SAMD5: variants seen among roughly 807,000 people sequenced by gnomAD.
SAMD5 encodes the protein sterile alpha motif domain containing 5.
In SAMD5, 13 loss-of-function variants were observed where a neutral mutation model predicts 11.3. That is an observed-to-expected ratio of 1.15 (90% CI 0.75 to 1.83). The LOEUF is 1.83. SAMD5 is among the 40% of genes most tolerant of loss of function. The pLI, the probability that SAMD5 is intolerant of heterozygous loss-of-function variation, is 0.00. For synonymous variants in SAMD5, 129 were observed against 111.3 expected, an observed-to-expected ratio of 1.16 and a Z score of -1.00; for missense variants, 255 against 239.1, an observed-to-expected ratio of 1.07 and a Z score of -0.44.
At chr6:147,698,079 G>C (rs772060368) in intron 1 of SAMD5, among the ~76,000 whole-genome samples, 1 of 152,092 alleles carries the variant, frequency 6.6e-6, no homozygotes, top group Non-Finnish European at 1.5e-5. Flanking sequence ...TTCACAGTAG[G>C]GTTTGTGCTC....
At chr6:147,832,239 T>C in the SAMD5 span, among the ~76,000 whole-genome samples, 629 of 152,346 alleles carry the variant, frequency 4.1e-3, 3 homozygotes, top group African/African-American at 0.015. Context: ...TGTGTATTTA[T>C]TTATTTAATG....
At chr6:147,843,384 G>A in the SAMD5 span, among the ~76,000 whole-genome samples, 5 of 152,160 alleles carry the variant, frequency 3.3e-5, no homozygotes, top group Admixed American at 3.3e-4. Context: ...TTCACATATT[G>A]GAAGAGCTAA....
At chr6:147,643,807 G>A (rs892254343) in intron 1 of SAMD5, among the ~76,000 whole-genome samples, 1 of 128,250 alleles carries the variant, frequency 7.8e-6, no homozygotes, top group African/African-American at 2.8e-5. Context: ...GAGAGAGAGA[G>A]AGAAAGAAAG....
the SAMD5 span, among the ~76,000 whole-genome samples, chr6:147,889,625 G>A: frequency 1.3e-5 from 2 of 152,266 alleles, no homozygotes; most frequent in Admixed American, 6.5e-5. Context: ...TTGCGTCAAA[G>A]GATTCTTTCC....
the SAMD5 span, among the ~76,000 whole-genome samples, chr6:147,859,161 T>A: frequency 6.6e-6 from 1 of 152,090 alleles, no homozygotes; most frequent in African/African-American, 2.4e-5. Flanking sequence ...CCCCCAGGTG[T>A]GCTTCCATGT....
chr6:147,508,923 C>G lies in SAMD5; in HGVS notation c.-6C>G, dbSNP rs1788034987. ...GGTGCTCGGCGGCGGGGTTCCCGGTCCCACCATGTGCACCAACATAGTTTA... is the reference window on the plus strand; with the variant it reads ...GGTGCTCGGCGGCGGGGTTCCCGGTGCCACCATGTGCACCAACATAGTTTA... On this transcript the variant is annotated 5_prime_UTR_variant, in exon 1 of 2. Transcript: ENST00000367474. 1.3e-6 allele frequency: 2 copies of G among 1,588,390 alleles called. No homozygotes were observed. Among genetic ancestry groups the G allele is most frequent in the South Asian group, 2.3e-5 (2 of 87,694 alleles).
At chr6:147,591,082 A>G (rs1737826) in intron 1 of SAMD5, among the ~76,000 whole-genome samples, 99,944 of 151,430 alleles carry the variant, frequency 0.66, 33,210 homozygotes, top group South Asian at 0.76. Flanking sequence ...GACAATAGAC[A>G]GAAAAAATTA....
the SAMD5 span, among the ~76,000 whole-genome samples, chr6:147,760,186 T>C: frequency 6.6e-6 from 1 of 152,182 alleles, no homozygotes; most frequent in South Asian, 2.1e-4. Flanking sequence ...CTTTGCTTCA[T>C]AACCAATGAG....
At chr6:147,520,890 T>C (rs2128439986) in intron 1 of SAMD5, among the ~76,000 whole-genome samples, 1 of 152,312 alleles carries the variant, frequency 6.6e-6, no homozygotes, top group East Asian at 1.9e-4. Flanking sequence ...ATATAATCTC[T>C]TGGCAATTTT....
chr6:147,952,282 C>T, the SAMD5 span, among the ~76,000 whole-genome samples: 15 of 152,046 alleles, frequency 9.9e-5, no homozygotes, highest in Non-Finnish European at 2.9e-5. Context: ...TTTGATATAT[C>T]AAGATTATTA....
At chr6:147,601,888 T>C (rs1054202579) in intron 1 of SAMD5, among the ~76,000 whole-genome samples, 5 of 152,086 alleles carry the variant, frequency 3.3e-5, no homozygotes, top group African/African-American at 1.2e-4. Context: ...CTAGGGAGTG[T>C]TCATATTTCG....
the SAMD5 span, among the ~76,000 whole-genome samples, chr6:147,933,008 C>A: frequency 6.6e-6 from 1 of 152,114 alleles, no homozygotes; most frequent in Non-Finnish European, 1.5e-5. Context: ...AGATCTAAAC[C>A]AGCTTGATAA....
At chr6:147,804,035 A>T in the SAMD5 span, among the ~76,000 whole-genome samples, 1 of 151,912 alleles carries the variant, frequency 6.6e-6, no homozygotes, top group Non-Finnish European at 1.5e-5. Flanking sequence ...CAGGTCACCC[A>T]TAGGTCTATT....
chr6:147,782,541 C>T, the SAMD5 span, among the ~76,000 whole-genome samples: 8 of 152,192 alleles, frequency 5.3e-5, no homozygotes, highest in African/African-American at 7.2e-5. Flanking sequence ...GTTTATCCTG[C>T]ACTTCTCCCA....
intron 1 of SAMD5, among the ~76,000 whole-genome samples, chr6:147,686,785 A>G (rs184573211): frequency 3.4e-4 from 51 of 152,200 alleles, no homozygotes; most frequent in Non-Finnish European, 2.9e-5. Flanking sequence ...TTCCAAAAGT[A>G]TATTCCATAA....
At chr6:147,930,413 T>C in the SAMD5 span, among the ~76,000 whole-genome samples, 2 of 152,124 alleles carry the variant, frequency 1.3e-5, no homozygotes, top group Non-Finnish European at 2.9e-5. Context: ...CATACCGATT[T>C]TCAGTCAGTC....
At chr6:147,931,096 C>G in the SAMD5 span, among the ~76,000 whole-genome samples, 1 of 152,172 alleles carries the variant, frequency 6.6e-6, no homozygotes, top group African/African-American at 2.4e-5. Flanking sequence ...GTATTGCCTC[C>G]CATTGCTACA....
At chr6:147,602,585 A>C (rs767377269) in intron 1 of SAMD5, among the ~76,000 whole-genome samples, 3 of 152,166 alleles carry the variant, frequency 2.0e-5, no homozygotes, top group Non-Finnish European at 4.4e-5. Flanking sequence ...TTCTACTAAA[A>C]ATACAAAAAT....
the SAMD5 span, among the ~76,000 whole-genome samples, chr6:147,856,938 G>A: frequency 6.6e-6 from 1 of 151,760 alleles, no homozygotes; most frequent in Admixed American, 6.6e-5. Context: ...TTAGCAGAGG[G>A]TGATTAGCTT....
Sources: allele counts gnomAD v4.1 joint callset (sites outside exome capture counted in the v4.1 genomes callset), GRCh38; gene constraint gnomAD v4.1.1; transcripts MANE v1.5; gene names NCBI Gene and HGNC (gene_info 2026-07-23, HGNC 2026-07-21).